Variants in DNAJC12 observed in about 807,000 individuals in gnomAD.
DNAJC12 encodes dnaJ homolog subfamily C member 12.
In DNAJC12, 25 loss-of-function variants were observed where a neutral mutation model predicts 28.5. The ratio of observed to expected loss-of-function variants is 0.88; its 90% CI spans 0.64 to 1.22. The LOEUF is 1.22. Ranked by LOEUF, DNAJC12 falls within the 50% of genes most tolerant of loss-of-function variation. DNAJC12 has a pLI of 0.00. For missense variants in DNAJC12, 222 were observed against 231.7 expected (o/e 0.96, Z 0.27); for synonymous variants, 77 against 80.6 (o/e 0.95, Z 0.24).
intron 2 of DNAJC12, among the ~76,000 whole-genome samples, chr10:67,814,434 C>A (rs1841894002): frequency 6.6e-6 from 1 of 151,736 alleles, no homozygotes; most frequent in African/African-American, 2.4e-5. Flanking sequence ...AGGAATAAAT[C>A]TTTGTGACCT....
At chr10:67,825,804 G>A (rs1023955236) in intron 1 of DNAJC12, among the ~76,000 whole-genome samples, 16 of 152,082 alleles carry the variant, frequency 1.1e-4, no homozygotes, top group Non-Finnish European at 2.1e-4. Flanking sequence ...GAACACCTTC[G>A]AATAATAGGA....
intron 2 of DNAJC12, among the ~76,000 whole-genome samples, chr10:67,812,321 G>A (rs1841869230): frequency 6.6e-6 from 1 of 152,100 alleles, no homozygotes; most frequent in Non-Finnish European, 1.5e-5. Context: ...AATCAACCAG[G>A]GCCTGAGATG....
chr10:67,796,984 G>T lies in DNAJC12; in HGVS notation c.*132C>A. On this transcript the variant is annotated 3_prime_UTR_variant, in exon 5 of 5. Coordinates refer to ENST00000225171, the MANE Select transcript of DNAJC12 (RefSeq NM_021800.3). Reference sequence around the variant, plus strand: ...CATTATGAGAACTGATTCAAGGATGGAGGAATCAATTAGTACTCAGCAATT... The same window carrying T: ...CATTATGAGAACTGATTCAAGGATGTAGGAATCAATTAGTACTCAGCAATT... 3 of 569,096 alleles carry T rather than the reference G, an allele frequency of 5.3e-6. No homozygotes were observed. Among genetic ancestry groups the T allele is most frequent in the Admixed American group, 3.7e-5 (1 of 27,100 alleles). The allele number at this position is 569,096 out of a possible 1,614,324, so 35.3% of individuals were successfully genotyped here. A position where few individuals can be genotyped will look rare whatever the true frequency, so the allele number is the denominator to read the frequency against.
At chr10:67,804,071 T>C (rs1841775023) in intron 4 of DNAJC12, among the ~76,000 whole-genome samples, 1 of 152,220 alleles carries the variant, frequency 6.6e-6, no homozygotes, top group Non-Finnish European at 1.5e-5. Flanking sequence ...TCTAGGGTGT[T>C]CAGGAACGTT....
chr10:67,806,380 C>A (rs2131792688), intron 3 of DNAJC12, among the ~76,000 whole-genome samples: 1 of 152,296 alleles, frequency 6.6e-6, no homozygotes, highest in Admixed American at 6.5e-5. Context: ...CACCTTCAAC[C>A]TATCTCTTCC....
chr10:67,800,899 TG>T (rs1841736792), intron 4 of DNAJC12, among the ~76,000 whole-genome samples: 1 of 151,216 alleles, frequency 6.6e-6, no homozygotes, highest in South Asian at 2.1e-4. Flanking sequence ...GCCGAGGTGG[TG>T]CCACTGCACT....
At chr10:67,826,155 G>A (rs1405879391) in intron 1 of DNAJC12, among the ~76,000 whole-genome samples, 4 of 142,756 alleles carry the variant, frequency 2.8e-5, no homozygotes, top group Non-Finnish European at 6.1e-5. Flanking sequence ...TTTTTTTTGA[G>A]TCAGCTTCTT....
intron 4 of DNAJC12, among the ~76,000 whole-genome samples, chr10:67,802,836 T>A (rs562260882): frequency 7.3e-6 from 1 of 137,862 alleles, no homozygotes; most frequent in South Asian, 2.4e-4. Flanking sequence ...TAAGTTATTG[T>A]GCGTGTGTGT....
chr10:67,835,591 G>A (rs1037960386), intron 1 of DNAJC12, among the ~76,000 whole-genome samples: 1 of 152,026 alleles, frequency 6.6e-6, no homozygotes, highest in Non-Finnish European at 1.5e-5. Flanking sequence ...TCAGGAAGCT[G>A]AGGAAGGAGA....
At chr10:67,807,635 A>C (rs1199738053) in intron 3 of DNAJC12, among the ~76,000 whole-genome samples, 1 of 152,212 alleles carries the variant, frequency 6.6e-6, no homozygotes, top group East Asian at 1.9e-4. Context: ...AAAAACAAGG[A>C]ATAAGACATT....
chr10:67,806,506 G>A (rs796078385), intron 3 of DNAJC12, among the ~76,000 whole-genome samples: 6 of 152,220 alleles, frequency 3.9e-5, no homozygotes, highest in African/African-American at 1.4e-4. Flanking sequence ...ACCAATAAAT[G>A]TAACCAGCTC....
intron 4 of DNAJC12, among the ~76,000 whole-genome samples, chr10:67,804,125 T>C (rs1841775511): frequency 1.3e-5 from 2 of 152,196 alleles, no homozygotes; most frequent in Non-Finnish European, 2.9e-5. Flanking sequence ...ATCACAACCC[T>C]GAGAATCAAC....
chr10:67,821,937 A>C (rs1841985343), intron 2 of DNAJC12, among the ~76,000 whole-genome samples: 1 of 152,244 alleles, frequency 6.6e-6, no homozygotes, highest in Admixed American at 6.5e-5. Flanking sequence ...GGGAGAACAC[A>C]GAAAAATAAG....
At chr10:67,814,794 T>C (rs750220500) in intron 2 of DNAJC12, among the ~76,000 whole-genome samples, 5 of 152,016 alleles carry the variant, frequency 3.3e-5, no homozygotes, top group Non-Finnish European at 5.9e-5. Context: ...GAAATACAAA[T>C]CAAAACCATA....
chr10:67,823,607 A>G (rs994856748), intron 1 of DNAJC12, among the ~76,000 whole-genome samples: 1 of 152,070 alleles, frequency 6.6e-6, no homozygotes, highest in African/African-American at 2.4e-5. Context: ...AGGCTGAGGC[A>G]GAAGGACCCC....
intron 1 of DNAJC12, among the ~76,000 whole-genome samples, chr10:67,825,874 T>G (rs1564865514): frequency 6.6e-6 from 1 of 152,202 alleles, no homozygotes; most frequent in Admixed American, 6.5e-5. Context: ...CTGGGTGCTG[T>G]CTTTAACCAT....
At chr10:67,820,777 C>CTTTTTTT (rs71006170) in intron 2 of DNAJC12, among the ~76,000 whole-genome samples, 8 of 68,526 alleles carry the variant, frequency 1.2e-4, no homozygotes, top group South Asian at 5.8e-4. Flanking sequence ...TTCTTTTTTC[C>CTTTTTTT]TTTTTTTTTT....
At chr10:67,808,508 G>A (rs1425282397) in intron 3 of DNAJC12, 3 of 151,968 alleles carry the variant, frequency 2.0e-5, no homozygotes, top group East Asian at 1.9e-4. Flanking sequence ...AATAGTGCTC[G>A]TCTCAGCAGC....
At chr10:67,826,125 AC>A (rs1842026697) in intron 1 of DNAJC12, among the ~76,000 whole-genome samples, 1 of 138,294 alleles carries the variant, frequency 7.2e-6, no homozygotes, top group Non-Finnish European at 1.6e-5. Context: ...ATCCTTGAAG[AC>A]ATATCTTTTT....
Sources: allele counts gnomAD v4.1 joint callset (sites outside exome capture counted in the v4.1 genomes callset), GRCh38; gene constraint gnomAD v4.1.1; transcripts MANE v1.5; gene names NCBI Gene and HGNC (gene_info 2026-07-23, HGNC 2026-07-21).